The following SYN3 variants were observed in gnomAD, a reference collection of about 807,000 sequenced individuals.
SYN3 encodes synapsin-3.
A neutral mutation model predicts 65.8 loss-of-function variants in SYN3; 35 were observed. That is an observed-to-expected ratio of 0.53 (90% CI 0.41 to 0.70). The LOEUF (loss-of-function observed/expected upper bound fraction) is 0.70. Ranked by LOEUF, SYN3 falls within the 30% of genes least tolerant of loss-of-function variation. The pLI, the probability that SYN3 is intolerant of heterozygous loss-of-function variation, is 0.00. For missense variants in SYN3, 680 were observed against 749.0 expected, an observed-to-expected ratio of 0.91 and a Z score of 1.08; for synonymous variants, 270 against 292.9, an observed-to-expected ratio of 0.92 and a Z score of 0.80.
chr22:32,589,385 C>T (rs529006700), intron 7 of SYN3, among the ~76,000 whole-genome samples: 9 of 152,268 alleles, frequency 5.9e-5, no homozygotes, highest in Admixed American at 2.0e-4. Context: ...GCTGGTCAGG[C>T]GACTAATGAG....
chr22:32,868,722 A>C (rs1236729800), intron 5 of SYN3, among the ~76,000 whole-genome samples: 1 of 152,132 alleles, frequency 6.6e-6, no homozygotes, highest in African/African-American at 2.4e-5. Flanking sequence ...AAGTGCTGGG[A>C]TTACAGGCAT....
At chr22:32,751,316 G>C (rs116416767) in intron 6 of SYN3, among the ~76,000 whole-genome samples, 2,158 of 152,298 alleles carry the variant, frequency 0.014, 52 homozygotes, top group African/African-American at 0.048. Context: ...TGGCAGCAGG[G>C]CCACTCAGAA....
At chr22:32,739,108 T>G (rs2147379462) in intron 6 of SYN3, among the ~76,000 whole-genome samples, 1 of 152,206 alleles carries the variant, frequency 6.6e-6, no homozygotes, top group South Asian at 2.1e-4. Context: ...AAATGTCATC[T>G]TGAATTATAG....
intron 1 of SYN3, among the ~76,000 whole-genome samples, chr22:33,041,628 G>A (rs750011676): frequency 7.9e-5 from 12 of 152,206 alleles, no homozygotes; most frequent in Non-Finnish European, 1.2e-4. Context: ...ACCTGTGCCA[G>A]CTTCATCTCC....
chr22:32,518,250 G>A lies in SYN3; in HGVS notation c.1403C>T (p.Pro468Leu), dbSNP rs1254372444. 1 of 1,613,474 alleles carries A rather than the reference G, an allele frequency of 6.2e-7. No individual in the cohort carries two copies. The highest frequency in any genetic ancestry group is 8.5e-7 in the Non-Finnish European group (1 of 1,179,716). The stretch of plus-strand genomic sequence containing the variant: ...TGGAGATCCGGACTGGGGGCTCAGG[G>A]GCTGCTGGCCTTGTGGGGAGAGCCT... ...QQRLSPQGQQ[P>L]LSPQSGSPQQ... The change falls in exon 13 of 14, where the codon CCC becomes CTC. Residue 468 changes from proline to leucine, a missense_variant. Transcript: ENST00000358763.
At chr22:32,904,328 A>G (rs1046070122) in intron 4 of SYN3, among the ~76,000 whole-genome samples, 3 of 152,160 alleles carry the variant, frequency 2.0e-5, no homozygotes, top group African/African-American at 7.2e-5. Context: ...CAAGCAGTCT[A>G]TCCTCTCCTC....
At chr22:32,675,893 AATC>A (rs1168696555) in intron 6 of SYN3, among the ~76,000 whole-genome samples, 1 of 152,104 alleles carries the variant, frequency 6.6e-6, no homozygotes, top group Non-Finnish European at 1.5e-5. Flanking sequence ...CCAGAAACCT[AATC>A]AGAGCCCAGG....
chr22:32,904,270 G>A (rs531634292), intron 4 of SYN3, among the ~76,000 whole-genome samples: 24 of 152,338 alleles, frequency 1.6e-4, no homozygotes, highest in African/African-American at 5.3e-4. Context: ...TGGAATGCTA[G>A]TGATACTGCA....
intron 3 of SYN3, among the ~76,000 whole-genome samples, chr22:32,978,226 G>C (rs1212058503): frequency 6.6e-6 from 1 of 152,098 alleles, no homozygotes; most frequent in African/African-American, 2.4e-5. Flanking sequence ...TAGGTGATGG[G>C]GATGAAGGGA....
At chr22:32,565,171 G>A (rs555350282) in intron 7 of SYN3, among the ~76,000 whole-genome samples, 264 of 139,208 alleles carry the variant, frequency 1.9e-3, no homozygotes, top group Non-Finnish European at 3.2e-3. Flanking sequence ...CAGTGCTCTC[G>A]GACTGCACCC....
At chr22:33,055,684 A>C (rs1250360897) in intron 1 of SYN3, among the ~76,000 whole-genome samples, 3 of 152,226 alleles carry the variant, frequency 2.0e-5, no homozygotes, top group African/African-American at 7.2e-5. Context: ...GGAGTACAGA[A>C]GGCCTTTCCA....
At chr22:32,656,374 C>T (rs774345054) in intron 6 of SYN3, among the ~76,000 whole-genome samples, 13 of 152,254 alleles carry the variant, frequency 8.5e-5, no homozygotes, top group African/African-American at 2.2e-4. Flanking sequence ...AAGGATTAAG[C>T]GACATGATGT....
At chr22:32,897,335 C>G (rs1158349839) in intron 4 of SYN3, among the ~76,000 whole-genome samples, 1 of 152,188 alleles carries the variant, frequency 6.6e-6, no homozygotes, top group Non-Finnish European at 1.5e-5. Flanking sequence ...CAAGGAGGTG[C>G]TTTAAGAGCT....
chr22:32,768,151 A>G (rs1160645591), intron 6 of SYN3, among the ~76,000 whole-genome samples: 1 of 151,976 alleles, frequency 6.6e-6, no homozygotes, highest in Non-Finnish European at 1.5e-5. Flanking sequence ...CTTTTTGCTC[A>G]TGATTTCCTT....
chr22:32,877,184 C>A (rs1164561466), intron 4 of SYN3, among the ~76,000 whole-genome samples: 3 of 152,190 alleles, frequency 2.0e-5, no homozygotes, highest in East Asian at 3.9e-4. Context: ...AAGTGTGAAG[C>A]CCCCAGATCA....
intron 6 of SYN3, among the ~76,000 whole-genome samples, chr22:32,681,770 G>A (rs1023964559): frequency 3.9e-5 from 6 of 152,180 alleles, no homozygotes; most frequent in African/African-American, 1.4e-4. Context: ...GCCCATGAAG[G>A]CATGTAGATA....
intron 5 of SYN3, among the ~76,000 whole-genome samples, chr22:32,865,565 A>G (rs759800763): frequency 2.4e-4 from 37 of 152,220 alleles, no homozygotes; most frequent in Non-Finnish European, 4.9e-4. Context: ...CTTTGTCCAC[A>G]GCAGTGCTAA....
intron 6 of SYN3, among the ~76,000 whole-genome samples, chr22:32,644,282 G>C (rs2059952216): frequency 6.6e-6 from 1 of 152,018 alleles, no homozygotes; most frequent in Non-Finnish European, 1.5e-5. Context: ...AGTTTAGCAG[G>C]GAGACGAGAC....
At chr22:32,692,010 A>T (rs2060667216) in intron 6 of SYN3, among the ~76,000 whole-genome samples, 1 of 152,026 alleles carries the variant, frequency 6.6e-6, no homozygotes, top group South Asian at 2.1e-4. Flanking sequence ...CCTCTCTTGA[A>T]GATTTGCAAC....
Sources: allele counts gnomAD v4.1 joint callset (sites outside exome capture counted in the v4.1 genomes callset), GRCh38; gene constraint gnomAD v4.1.1; transcripts MANE v1.5; gene names NCBI Gene and HGNC (gene_info 2026-07-23, HGNC 2026-07-21).